The following CELSR1 variants were observed in gnomAD, a reference collection of about 807,000 sequenced individuals.
The protein encoded by CELSR1 is adhesion G protein-coupled receptor C1.
In CELSR1, 110 loss-of-function variants were observed where a neutral mutation model predicts 249.1. That is an observed-to-expected ratio of 0.44 (90% CI 0.38 to 0.52). The LOEUF is 0.52. Ranked by LOEUF, CELSR1 falls within the 20% of genes least tolerant of loss-of-function variation. The probability of loss-of-function intolerance (pLI) is 0.00; values close to 1 mark genes in which losing one functional copy is unlikely to be tolerated. For synonymous variants in CELSR1, 2,113 were observed against 1,900.0 expected, an observed-to-expected ratio of 1.11 and a Z score of -2.92; for missense variants, 4,109 against 4,296.4, an observed-to-expected ratio of 0.96 and a Z score of 1.22.
At chr22:46,368,671 G>A (rs1290955971) in intron 27 of CELSR1, among the ~76,000 whole-genome samples, 1 of 152,088 alleles carries the variant, frequency 6.6e-6, no homozygotes, top group East Asian at 1.9e-4. Flanking sequence ...GCTGTGCTGA[G>A]TCCTCCCGCG....
In CELSR1 at chr22:46,396,592, G is replaced by A; in HGVS notation, c.5843+13C>T. 1 of 1,552,106 alleles carries A rather than the reference G, an allele frequency of 6.4e-7. No individual in the cohort carries two copies. The highest frequency in any genetic ancestry group is 1.4e-5 in the African/African-American group (1 of 72,904). On this transcript the variant is annotated intron_variant, in intron 13 of 34. Coordinates refer to ENST00000674500, the MANE Select transcript of CELSR1 (RefSeq NM_001378328.1). The surrounding 1 kb of genome is among the most constrained non-coding windows in gnomAD (Gnocchi z 6.4). ...CTCTGAAGGTGCAGGGAGGCACCAG[G>A]GGCTGCTCTTACTTGTTCTCACAGT...
intron 1 of CELSR1, among the ~76,000 whole-genome samples, chr22:46,469,592 C>T (rs780916302): frequency 3.2e-4 from 49 of 152,140 alleles, no homozygotes; most frequent in Middle Eastern, 3.4e-3. Context: ...CTCAGCTCAC[C>T]GCAACCTCCA....
rs758784063 is a variant in CELSR1 at position 46,406,770 on chromosome 22, G to A, written c.5226+2226C>T. Reference sequence around the variant, plus strand: ...CTCTACGCCTCAGTTTCCCGTGTGTGGAACGAGAGCTTGGAGCAGGCACTC... The same window carrying A: ...CTCTACGCCTCAGTTTCCCGTGTGTAGAACGAGAGCTTGGAGCAGGCACTC... On this transcript the variant is annotated intron_variant, in intron 9 of 34. Transcript: ENST00000674500. The surrounding 1 kb of genome is among the most constrained non-coding windows in gnomAD (Gnocchi z 5.4). Among the ~76,000 whole-genome samples the A allele has an allele frequency of 7.9e-5, 12 of 152,140 alleles. No individual in the cohort carries two copies. The highest frequency in any genetic ancestry group is 1.6e-4 in the Non-Finnish European group (11 of 68,024).
intron 25 of CELSR1, chr22:46,370,368 C>T (rs879751994): frequency 1.8e-5 from 6 of 329,184 alleles, no homozygotes; most frequent in Non-Finnish European, 3.6e-5. Flanking sequence ...TGCAGACACG[C>T]ATCACAGATA....
At position 46,412,120 on chromosome 22, in the gene CELSR1, C is replaced by A. The variant is rs368433037; in HGVS notation, c.4612-361G>T. Among the ~76,000 whole-genome samples, 2 of 152,172 alleles carry A rather than the reference C, an allele frequency of 1.3e-5. No homozygotes were observed. Among genetic ancestry groups the A allele is most frequent in the African/African-American group, 2.4e-5 (1 of 41,432 alleles). The stretch of plus-strand genomic sequence containing the variant: ...GGCACACAGGGAGAAGCTGCGTGAC[C>A]GCGGAGGCAGCTGCTGGAGCAGCTG... On this transcript the variant is annotated intron_variant, in intron 5 of 34. Transcript: ENST00000674500. This position sits in a 1 kb window ranked among gnomAD's most constrained non-coding sequence, Gnocchi z 4.5.
Position 46,423,545 on chromosome 22 carries a change from C to T in CELSR1, c.4611+9848G>A, listed in dbSNP as rs1343287001. Among the ~76,000 whole-genome samples, 1 of 140,296 alleles carries T rather than the reference C, an allele frequency of 7.1e-6. No individual in the cohort carries two copies. The highest frequency in any genetic ancestry group is 2.7e-5 in the African/African-American group (1 of 37,092). 92.0% of individuals were successfully genotyped at this position (140,296 alleles called of 152,430 possible). On this transcript the variant is annotated intron_variant, in intron 5 of 34. Transcript: ENST00000674500. The surrounding 1 kb of genome is among the most constrained non-coding windows in gnomAD (Gnocchi z 5.6). ...GCTTGAACCTGGGAGGCAGAGGTTG[C>T]GGTGAGCCGAGATCGCGCCTTTACA...
rs7286799 is a variant in CELSR1, at chr22:46,411,893, C to G, written c.4612-134G>C. ...ACGTAGACAAGGGATGAGGAGCCCCCGGCCTTTAGTTCCCCAAACTAGCTG... is the reference window on the plus strand; with the variant it reads ...ACGTAGACAAGGGATGAGGAGCCCCGGGCCTTTAGTTCCCCAAACTAGCTG... On this transcript the variant is annotated intron_variant, in intron 5 of 34. Coordinates refer to ENST00000674500, the MANE Select transcript of CELSR1 (RefSeq NM_001378328.1). The surrounding 1 kb of genome is among the most constrained non-coding windows in gnomAD (Gnocchi z 4.2). 8.8e-7 allele frequency: 1 copy of G among 1,133,436 alleles called. No homozygotes were observed. Among genetic ancestry groups the G allele is most frequent in the Non-Finnish European group, 1.3e-6 (1 of 785,842 alleles). The allele number at this position is 1,133,436 out of a possible 1,614,324, so 70.2% of individuals were successfully genotyped here. A position where few individuals can be genotyped will look rare whatever the true frequency, so the allele number is the denominator to read the frequency against.
intron 1 of CELSR1, among the ~76,000 whole-genome samples, chr22:46,477,486 G>T (rs16995292): frequency 0.022 from 3,239 of 148,258 alleles, 138 homozygotes; most frequent in African/African-American, 0.077. Context: ...CAACGAGCCT[G>T]TTTTTTTGTT....
At chr22:46,528,699 C>A (rs5768897) in intron 1 of CELSR1, among the ~76,000 whole-genome samples, 38,972 of 151,838 alleles carry the variant, frequency 0.26, 5,509 homozygotes, top group Non-Finnish European at 0.32. Flanking sequence ...GAGGCTGAGG[C>A]GGGCGGATCA....
chr22:46,397,666 G>C lies in CELSR1; in HGVS notation c.5701+8C>G. 2 of 1,480,284 alleles carry C rather than the reference G, an allele frequency of 1.4e-6. No homozygotes were observed. The highest frequency in any genetic ancestry group is 1.8e-4 in the Middle Eastern group (1 of 5,564). The allele number at this position is 1,480,284 out of a possible 1,614,324, so 91.7% of individuals were successfully genotyped here. The stretch of plus-strand genomic sequence containing the variant: ...TGTCACTGAAGGGCCCCGGGAGGGC[G>C]GTCCCACCTTTGTCACAGACGCAGC... On this transcript the variant is annotated splice_region_variant and intron_variant, in intron 12 of 34. Transcript: ENST00000674500.
At chr22:46,469,324 C>T (rs980551941) in intron 1 of CELSR1, among the ~76,000 whole-genome samples, 3 of 152,142 alleles carry the variant, frequency 2.0e-5, no homozygotes, top group African/African-American at 4.8e-5. Context: ...ATCGTGTGAC[C>T]GCTCTTCCTG....
intron 9 of CELSR1, among the ~76,000 whole-genome samples, chr22:46,403,930 A>T (rs1332481764): frequency 2.8e-5 from 4 of 141,280 alleles, no homozygotes; most frequent in Non-Finnish European, 6.1e-5. Context: ...CTGAGATTGC[A>T]CCACTGCACT....
chr22:46,435,667 C>T lies in CELSR1; in HGVS notation c.4522+507G>A, dbSNP rs1449500549. 2.0e-5 allele frequency among the ~76,000 whole-genome samples: 3 copies of T among 152,112 alleles called. No homozygotes were observed. The East Asian group carries it at 5.8e-4, about 29-fold the overall frequency. ...AACATGAACCAGATCGTCCACATTT[C>T]CAGCACTATAAATAACACTGTTATG... On this transcript the variant is annotated intron_variant, in intron 4 of 34. Coordinates refer to ENST00000674500, the MANE Select transcript of CELSR1 (RefSeq NM_001378328.1).
At position 46,439,167 on chromosome 22, in the gene CELSR1, G is replaced by C. The variant is rs375192800; in HGVS notation, c.4406+22C>G. 3.1e-6 allele frequency: 5 copies of C among 1,600,072 alleles called. No individual in the cohort carries two copies. The Admixed American group carries it at 8.4e-5, about 27-fold the overall frequency. ...CCTTTCCTAAAGAGACCCCCGTGTGGCGCGGCGGGACGCACACTCACGTGA... is the reference window on the plus strand; with the variant it reads ...CCTTTCCTAAAGAGACCCCCGTGTGCCGCGGCGGGACGCACACTCACGTGA... On this transcript the variant is annotated intron_variant, in intron 3 of 34. Coordinates refer to ENST00000674500, the MANE Select transcript of CELSR1 (RefSeq NM_001378328.1).
chr22:46,481,476 T>C (rs972785801), intron 1 of CELSR1: 2 of 1,573,020 alleles, frequency 1.3e-6, no homozygotes, highest in Non-Finnish European at 1.7e-6. Flanking sequence ...AATCTTTGGC[T>C]TTGTCGTTGC....
At chr22:46,377,614 C>G in intron 23 of CELSR1, 1 of 318,394 alleles carries the variant, frequency 3.1e-6, no homozygotes, top group South Asian at 3.4e-5. Flanking sequence ...CTTCCTTGGC[C>G]CACATGTCAC....
chr22:46,442,080 C>T (rs1027111887), intron 2 of CELSR1, among the ~76,000 whole-genome samples: 5 of 152,054 alleles, frequency 3.3e-5, no homozygotes, highest in Non-Finnish European at 7.4e-5. Context: ...TCTGGGCAGC[C>T]GAGGTTGCAG....
rs915599394 is a variant in CELSR1, at chr22:46,459,911, A to G, written c.4183+3796T>C. On this transcript the variant is annotated intron_variant, in intron 2 of 34. Coordinates refer to ENST00000674500, the MANE Select transcript of CELSR1 (RefSeq NM_001378328.1). ...CCAGCAGAGCAGAGCACCACTAAAC[A>G]TTAGCTACAATCCGGCCAGGCGTAG... is the stretch of plus-strand genomic sequence containing the variant. Among the ~76,000 whole-genome samples the G allele has an allele frequency of 5.3e-5, 8 of 152,236 alleles. No homozygotes were observed. The East Asian group carries it at 1.5e-3, about 29-fold the overall frequency.
chr22:46,462,826 T>C (rs1234849949), intron 2 of CELSR1: 1 of 401,480 alleles, frequency 2.5e-6, no homozygotes, highest in East Asian at 9.3e-5. Context: ...AAAACCACCG[T>C]TGGCTACATT....
Sources: gnomAD v4.1 joint callset for allele counts (sites outside exome capture counted in the v4.1 genomes callset) on GRCh38, gnomAD v4.1.1 for gene constraint, Gnocchi (gnomAD v3.1) non-coding constraint, MANE v1.5 for transcripts, NCBI Gene and HGNC (gene_info 2026-07-23, HGNC 2026-07-21) for gene names.